The following USP15 variants were observed in gnomAD, a reference collection of about 807,000 sequenced individuals.
USP15 encodes the protein ubiquitin specific peptidase 15, also known as ubiquitin carboxyl-terminal hydrolase 15.
A neutral mutation model predicts 127.1 loss-of-function variants in USP15; 18 were observed. That is an observed-to-expected ratio of 0.14 (90% confidence interval 0.10 to 0.21). USP15 has a LOEUF of 0.21. USP15 is among the 10% of genes least tolerant of loss of function. The pLI, the probability that USP15 is intolerant of heterozygous loss-of-function variation, is 1.00. For synonymous variants in USP15, 364 were observed against 393.7 expected (o/e 0.92, Z 0.89); for missense variants, 805 against 1,159.9 (o/e 0.69, Z 4.44).
At chr12:62,316,399 T>C (rs1421201649) in intron 4 of USP15, among the ~76,000 whole-genome samples, 1 of 152,092 alleles carries the variant, frequency 6.6e-6, no homozygotes, top group African/African-American at 2.4e-5. Context: ...GCTTGACTTT[T>C]GAATTTCCAC....
At chr12:62,349,819 G>A (rs1167488546) in intron 7 of USP15, among the ~76,000 whole-genome samples, 1 of 151,856 alleles carries the variant, frequency 6.6e-6, no homozygotes, top group African/African-American at 2.4e-5. Flanking sequence ...TGAAGTGTGT[G>A]TTATATTGCT....
intron 6 of USP15, chr12:62,335,503 A>G (rs912104736): frequency 2.2e-5 from 26 of 1,178,892 alleles, no homozygotes; most frequent in African/African-American, 7.9e-5. Flanking sequence ...ATTTATCTCA[A>G]TGCTTCCTGG....
chr12:62,321,573 C>T lies in USP15; in HGVS notation c.585C>T (p.Asp195=). The part of the protein sequence containing the change: ...SNTFEPLNKP[D]STIQDAGLYQ... Reference sequence around the variant, plus strand: ...CATTTGAACCACTGAATAAACCAGACAGCACCATTCAGGATGCTGGTTTAT... The same window carrying T: ...CATTTGAACCACTGAATAAACCAGATAGCACCATTCAGGATGCTGGTTTAT... The change falls in exon 5 of 22, where the codon GAC becomes GAT. Residue 195 remains aspartate (D), a synonymous_variant. Coordinates refer to ENST00000280377, the MANE Select transcript of USP15 (RefSeq NM_001252078.2). The T allele has an allele frequency of 6.2e-7, 1 of 1,603,458 alleles. No homozygotes were observed. Among genetic ancestry groups the T allele is most frequent in the East Asian group, 2.3e-5 (1 of 44,290 alleles).
intron 6 of USP15, among the ~76,000 whole-genome samples, chr12:62,333,583 T>C (rs911150074): frequency 6.6e-6 from 1 of 152,134 alleles, no homozygotes; most frequent in East Asian, 1.9e-4. Context: ...TGAGCCACCA[T>C]GCCCAGCTGT....
At chr12:62,401,408 CTTAT>C in intron 21 of USP15, 133 bp downstream of exon 21, 1 of 538,874 alleles carries the variant, frequency 1.9e-6, no homozygotes, top group Non-Finnish European at 3.0e-6. Context: ...GACACTAACT[CTTAT>C]TTAAAGAAAT....
At chr12:62,393,896 T>G (rs916018525) in intron 19 of USP15, 1 of 152,178 alleles carries the variant, frequency 6.6e-6, no homozygotes, top group Non-Finnish European at 1.5e-5. Context: ...ATATGCTGTT[T>G]TCAAAAAGAC....
chr12:62,327,813 A>G, intron 6 of USP15: 1 of 274,704 alleles, frequency 3.6e-6, no homozygotes, highest in Non-Finnish European at 7.2e-6. Flanking sequence ...AGTACAATTA[A>G]GAGTCCTATT....
chr12:62,401,182 A>G lies in USP15; in HGVS notation c.2675-5A>G, dbSNP rs1197499928. The G allele has an allele frequency of 1.2e-6, 2 of 1,605,688 alleles. No individual in the cohort carries two copies. The highest frequency in any genetic ancestry group is 4.5e-5 in the East Asian group (2 of 44,646). The stretch of plus-strand genomic sequence containing the variant: ...TCGTCACAGTGATTATATTTTTTTC[A>G]TTAGATACTGCTTTTGCAAAAAATA... On this transcript the variant is annotated splice_polypyrimidine_tract_variant and splice_region_variant and intron_variant, in intron 20 of 21. Transcript: ENST00000280377.
rs1281263194 is a variant in USP15 at position 62,392,907 on chromosome 12, G to A, written c.2421-146G>A. 4 of 746,458 alleles carry A rather than the reference G, an allele frequency of 5.4e-6. No homozygotes were observed. In the African/African-American group the frequency reaches 5.5e-5, roughly 10 times the overall value. The allele number at this position is 746,458 out of a possible 1,614,324, so 46.2% of individuals were successfully genotyped here. On this transcript the variant is annotated intron_variant, in intron 18 of 21. Coordinates refer to ENST00000280377, the MANE Select transcript of USP15 (RefSeq NM_001252078.2). ...TGTCTTGAAAATAAAAATAATAAGA[G>A]TTGCTTTCAACCTGGTACATATTAG...
rs118098768 is a variant in USP15 at position 62,286,535 on chromosome 12, C to A, written c.90-7644C>A. On this transcript the variant is annotated intron_variant, in intron 1 of 21. Coordinates refer to ENST00000280377, the MANE Select transcript of USP15 (RefSeq NM_001252078.2). ...GCAGTCCCATTACTAGAAAATAAAT[C>A]ATTCTACCAAAAAGACACTTACACT... 3.7e-3 allele frequency among the ~76,000 whole-genome samples: 570 copies of A among 152,236 alleles called. 2 individuals are homozygous for A. The highest frequency in any genetic ancestry group is 6.8e-3 in the Middle Eastern group (2 of 294).
At chr12:62,301,149 T>G (rs2064305841) in intron 2 of USP15, among the ~76,000 whole-genome samples, 1 of 152,076 alleles carries the variant, frequency 6.6e-6, no homozygotes, top group African/African-American at 2.4e-5. Context: ...ATTAGAGAAA[T>G]GAAGATTAAA....
intron 6 of USP15, among the ~76,000 whole-genome samples, chr12:62,327,099 C>T (rs759541589): frequency 4.7e-4 from 72 of 152,192 alleles, no homozygotes; most frequent in African/African-American, 6.0e-4. Flanking sequence ...TGCTGTACTT[C>T]CAGCCTGGCC....
Position 62,414,232 on chromosome 12 carries a change from A to G in USP15, c.*9857A>G, listed in dbSNP as rs923293087. Reference sequence around the variant, plus strand: ...TCTGTTAGGAAAATAACACCTATAGATGTGCTCAATGTAGGCTTGCCACAA... The same window carrying G: ...TCTGTTAGGAAAATAACACCTATAGGTGTGCTCAATGTAGGCTTGCCACAA... On this transcript the variant is annotated 3_prime_UTR_variant, in exon 22 of 22. Transcript: ENST00000280377. 1 of 152,244 alleles carries G rather than the reference A, an allele frequency of 6.6e-6. No homozygotes were observed. Among genetic ancestry groups the G allele is most frequent in the Admixed American group, 6.5e-5 (1 of 15,284 alleles). The allele number at this position is 152,244 out of a possible 1,614,324, so 9.4% of individuals were successfully genotyped here.
At chr12:62,306,360 G>A (rs1416920242) in intron 3 of USP15, among the ~76,000 whole-genome samples, 2 of 152,108 alleles carry the variant, frequency 1.3e-5, no homozygotes, top group Admixed American at 1.3e-4. Flanking sequence ...GTGAATAGAG[G>A]TTGTCAGAAC....
intron 6 of USP15, chr12:62,336,401 T>C (rs1226690310): frequency 4.3e-5 from 42 of 985,340 alleles, no homozygotes; most frequent in Non-Finnish European, 5.1e-5. Context: ...AGAGCCATCC[T>C]GAGTTCCTCC....
intron 20 of USP15, among the ~76,000 whole-genome samples, chr12:62,399,235 A>G (rs1371405219): frequency 1.3e-5 from 2 of 152,198 alleles, no homozygotes; most frequent in Non-Finnish European, 2.9e-5. Context: ...TCAAGAAACA[A>G]TACAGCATGC....
chr12:62,294,030 TTC>T (rs2137154062), intron 1 of USP15, 147 bp from the exon 2 acceptor site: 2 of 736,418 alleles, frequency 2.7e-6, no homozygotes, highest in South Asian at 4.5e-5. Flanking sequence ...AGTCTTGTCT[TTC>T]TAATACTAAG....
At chr12:62,373,493 G>A (rs558597977) in intron 8 of USP15, among the ~76,000 whole-genome samples, 1 of 151,920 alleles carries the variant, frequency 6.6e-6, no homozygotes, top group South Asian at 2.1e-4. Context: ...TTAAGCACAG[G>A]GACCAGATTA....
At chr12:62,302,718 A>C (rs530524844) in intron 2 of USP15, 72 bp from the exon 3 acceptor site, 1 of 1,463,056 alleles carries the variant, frequency 6.8e-7, no homozygotes, top group South Asian at 1.4e-5. Flanking sequence ...ATTAGCCTTC[A>C]TGAGTTTAAT....
Sources: allele counts gnomAD v4.1 joint callset (sites outside exome capture counted in the v4.1 genomes callset), GRCh38; gene constraint gnomAD v4.1.1; transcripts MANE v1.5; gene names NCBI Gene and HGNC (gene_info 2026-07-23, HGNC 2026-07-21).